Variants in KIAA1549 observed in about 807,000 individuals in gnomAD.
The protein encoded by KIAA1549 is UPF0606 protein KIAA1549.
A neutral mutation model predicts 156.4 loss-of-function variants in KIAA1549; 70 were observed. The observed-to-expected ratio is 0.45, with a 90% CI of 0.37 to 0.55. KIAA1549 has a LOEUF of 0.55. Ranked by LOEUF, KIAA1549 falls within the 20% of genes least tolerant of loss-of-function variation. The pLI, the probability that KIAA1549 is intolerant of heterozygous loss-of-function variation, is 0.00. For missense variants in KIAA1549, 2,428 were observed against 2,540.9 expected, an observed-to-expected ratio of 0.96 and a Z score of 0.96; for synonymous variants, 1,103 against 1,066.4, an observed-to-expected ratio of 1.03 and a Z score of -0.67.
chr7:138,900,672 T>C (rs908843507), intron 8 of KIAA1549, among the ~76,000 whole-genome samples: 2 of 152,124 alleles, frequency 1.3e-5, no homozygotes. Flanking sequence ...TCATGAATGG[T>C]TTGGTGCTGT....
chr7:138,861,679 C>T (rs537016930), intron 15 of KIAA1549, among the ~76,000 whole-genome samples: 85 of 149,512 alleles, frequency 5.7e-4, no homozygotes, highest in Admixed American at 2.1e-3. Flanking sequence ...AAGTGAGACC[C>T]CCCCCATCTC....
intron 15 of KIAA1549, among the ~76,000 whole-genome samples, chr7:138,864,272 C>T (rs750231195): frequency 1.3e-5 from 2 of 152,172 alleles, no homozygotes; most frequent in Non-Finnish European, 2.9e-5. Context: ...CGGCTATAAC[C>T]ACTGCCAATC....
rs557994828 is a variant in KIAA1549 at position 138,961,090 on chromosome 7, C to T, written c.187+19993G>A. Reference sequence around the variant, plus strand: ...GAGCCATCTGTCCTGCACTTGGATCCGGGTGACGGCCAATGCCCACAACCT... The same window carrying T: ...GAGCCATCTGTCCTGCACTTGGATCTGGGTGACGGCCAATGCCCACAACCT... On this transcript the variant is annotated intron_variant, in intron 1 of 19. Coordinates refer to ENST00000422774, the MANE Select transcript of KIAA1549 (RefSeq NM_001164665.2). Among the ~76,000 whole-genome samples the T allele has an allele frequency of 7.2e-5, 11 of 152,320 alleles. No homozygotes were observed. In the South Asian group the frequency reaches 1.0e-3, roughly 14 times the overall value.
At chr7:138,887,396 C>G (rs1010191620) in intron 10 of KIAA1549, among the ~76,000 whole-genome samples, 5 of 151,974 alleles carry the variant, frequency 3.3e-5, no homozygotes, top group Non-Finnish European at 7.4e-5. Flanking sequence ...GGACTAGCAC[C>G]CTGAGTTTCA....
chr7:138,969,544 C>T (rs1268128755), intron 1 of KIAA1549, among the ~76,000 whole-genome samples: 1 of 152,100 alleles, frequency 6.6e-6, no homozygotes, highest in East Asian at 1.9e-4. Context: ...CAATTTTGTG[C>T]GTACATAGTT....
In KIAA1549 at chr7:138,905,019, T is replaced by C; in HGVS notation, c.3520+3A>G. ...CCCAAAATATTACATAAGTTAAACA[T>C]ACCTGTTCTGACCCAAGAGGACTTC... On this transcript the variant is annotated splice_donor_region_variant and intron_variant, in intron 7 of 19. Coordinates refer to ENST00000422774, the MANE Select transcript of KIAA1549 (RefSeq NM_001164665.2). The C allele has an allele frequency of 6.4e-7, 1 of 1,552,210 alleles. No individual in the cohort carries two copies. Among genetic ancestry groups the C allele is most frequent in the Non-Finnish European group, 8.8e-7 (1 of 1,141,000 alleles).
At chr7:138,912,729 G>T (rs1812204848) in intron 2 of KIAA1549, among the ~76,000 whole-genome samples, 1 of 152,060 alleles carries the variant, frequency 6.6e-6, no homozygotes, top group Non-Finnish European at 1.5e-5. Flanking sequence ...CTTTGCCCCA[G>T]ATAGGTTAGA....
At chr7:138,920,193 T>A (rs1198051863) in intron 1 of KIAA1549, among the ~76,000 whole-genome samples, 2 of 147,226 alleles carry the variant, frequency 1.4e-5, no homozygotes, top group Non-Finnish European at 3.0e-5. Flanking sequence ...CATGGATGGA[T>A]CCTCTCACCC....
At chr7:138,842,624 C>T (rs112411176) in intron 18 of KIAA1549, among the ~76,000 whole-genome samples, 169 of 150,554 alleles carry the variant, frequency 1.1e-3, no homozygotes, top group African/African-American at 3.8e-3. Context: ...ACACAGGAGG[C>T]GGAGGTTGCA....
intron 17 of KIAA1549, among the ~76,000 whole-genome samples, chr7:138,845,759 G>A (rs1037769500): frequency 2.6e-5 from 4 of 152,194 alleles, no homozygotes; most frequent in Non-Finnish European, 5.9e-5. Flanking sequence ...CAAGTTCACA[G>A]TGGCAGGCAG....
chr7:138,942,803 G>A (rs57615563), intron 1 of KIAA1549, among the ~76,000 whole-genome samples: 22,355 of 151,930 alleles, frequency 0.15, 1,893 homozygotes, highest in African/African-American at 0.22. Context: ...CCAGCTACTC[G>A]GGAGGCTGAG....
At chr7:138,881,276 C>A in intron 11 of KIAA1549, 112 bp downstream of exon 11, 1 of 1,054,882 alleles carries the variant, frequency 9.5e-7, no homozygotes, top group Non-Finnish European at 1.4e-6. Flanking sequence ...GTCTGCTGGG[C>A]TGCACATGCA....
intron 17 of KIAA1549, among the ~76,000 whole-genome samples, chr7:138,847,484 T>C (rs913389933): frequency 6.6e-6 from 1 of 152,202 alleles, no homozygotes; most frequent in African/African-American, 2.4e-5. Context: ...ACATTCCTAC[T>C]TGGGTGTGAC....
chr7:138,976,578 ATC>A (rs1814386604), intron 1 of KIAA1549, among the ~76,000 whole-genome samples: 1 of 152,214 alleles, frequency 6.6e-6, no homozygotes, highest in Non-Finnish European at 1.5e-5. Context: ...ATTATTGTTA[ATC>A]TCTTACTGTG....
intron 1 of KIAA1549, among the ~76,000 whole-genome samples, chr7:138,956,181 G>A (rs1201284604): frequency 1.3e-5 from 2 of 152,168 alleles, no homozygotes; most frequent in African/African-American, 2.4e-5. Context: ...TAAAATGACA[G>A]CTAATCACCC....
At position 138,917,204 on chromosome 7, in the gene KIAA1549, G is replaced by C. The variant is rs369452998; in HGVS notation, c.2422C>G (p.Leu808Val). ...ILTESSLFST[L>V]TPPDDQISAL... is the part of the protein sequence containing the mutation. The stretch of plus-strand genomic sequence containing the variant: ...CTGATTTGGTCGTCAGGAGGTGTCA[G>C]AGTTGAGAACAAAGAAGACTCAGTT... The change falls in exon 2 of 20, where the codon CTG becomes GTG. Residue 808 changes from leucine to valine, a missense_variant. Coordinates refer to ENST00000422774, the MANE Select transcript of KIAA1549 (RefSeq NM_001164665.2). 27 of 1,613,878 alleles carry C rather than the reference G, an allele frequency of 1.7e-5. No homozygotes were observed. The highest frequency in any genetic ancestry group is 8.3e-5 in the Admixed American group (5 of 60,008).
chr7:138,871,230 G>C lies in KIAA1549; in HGVS notation c.4478C>G (p.Pro1493Arg), dbSNP rs770070506. Residue 1493 changes from proline (P) to arginine (R), a missense_variant, in exon 13 of 20, where the codon CCG (proline) becomes CGG (arginine). By Grantham distance (103) the Pro-to-Arg change is moderately radical. Coordinates refer to ENST00000422774, the MANE Select transcript of KIAA1549 (RefSeq NM_001164665.2). ...GCGCTGGACGGGAGGTGCCGGGATC[G>C]GCTGCATGGCGATAAGCTGGATCTT... ...PSKIQLIAMQ[P>R]IPAPPVQRPS... The C allele has an allele frequency of 1.9e-6, 3 of 1,613,226 alleles. No homozygotes were observed. The highest frequency in any genetic ancestry group is 2.5e-6 in the Non-Finnish European group (3 of 1,179,804).
chr7:138,885,495 T>G (rs1311456726), intron 10 of KIAA1549, among the ~76,000 whole-genome samples: 2 of 152,186 alleles, frequency 1.3e-5, no homozygotes, highest in East Asian at 3.9e-4. Context: ...ATTATCTTCA[T>G]ACATTCTCTA....
chr7:138,961,602 T>C (rs1354716525), intron 1 of KIAA1549, among the ~76,000 whole-genome samples: 1 of 152,200 alleles, frequency 6.6e-6, no homozygotes, highest in Non-Finnish European at 1.5e-5. Context: ...CCACAGATAC[T>C]ATAATTATAA....
Sources: gnomAD v4.1 joint callset for allele counts (sites outside exome capture counted in the v4.1 genomes callset) on GRCh38, gnomAD v4.1.1 for gene constraint, MANE v1.5 for transcripts, NCBI Gene and HGNC (gene_info 2026-07-23, HGNC 2026-07-21) for gene names.